MARCHF5: variants seen among roughly 807,000 people sequenced by gnomAD.
MARCHF5 encodes the protein E3 ubiquitin-protein ligase MARCHF5.
MARCHF5 carries 5 observed loss-of-function variants against 36.5 expected under a neutral mutation model. The ratio of observed to expected loss-of-function variants is 0.14; its 90% CI spans 0.07 to 0.29. MARCHF5 has a LOEUF of 0.29. Ranked by LOEUF, MARCHF5 falls within the 10% of genes least tolerant of loss-of-function variation. The pLI is 1.00. For synonymous variants in MARCHF5, 103 were observed against 109.9 expected, an observed-to-expected ratio of 0.94 and a Z score of 0.39; for missense variants, 179 against 336.3, an observed-to-expected ratio of 0.53 and a Z score of 3.66.
chr10:92,340,574 G>A (rs940323142), intron 2 of MARCHF5, 99 bp from the exon 3 acceptor site: 2 of 1,155,850 alleles, frequency 1.7e-6, no homozygotes, highest in Non-Finnish European at 2.4e-6. Flanking sequence ...CCTGTGTCTT[G>A]TTGGGGGGAA....
At chr10:92,338,216 C>T (rs1019465855) in intron 2 of MARCHF5, among the ~76,000 whole-genome samples, 46 of 151,854 alleles carry the variant, frequency 3.0e-4, no homozygotes, top group African/African-American at 1.1e-3. Context: ...ATCAACCATA[C>T]GAAGGTTGAA....
At chr10:92,311,420 T>G in intron 2 of MARCHF5, 83 bp downstream of exon 2, 1 of 938,118 alleles carries the variant, frequency 1.1e-6, no homozygotes. Flanking sequence ...ATGAACCACC[T>G]CTTTTTTTTA....
chr10:92,291,369 C>T lies in MARCHF5; in HGVS notation c.-126C>T. ...AGGCTAGCGGAGCTGCCCCGGGAAG[C>T]TGGGTGACGGGTTCGCGGCTGCCGC... is the stretch of plus-strand genomic sequence containing the variant. On this transcript the variant is annotated 5_prime_UTR_variant, in exon 1 of 6. Transcript: ENST00000358935. The T allele has an allele frequency of 2.3e-6, 2 of 857,014 alleles. No individual in the cohort carries two copies. The highest frequency in any genetic ancestry group is 3.8e-6 in the Non-Finnish European group (2 of 529,434). The allele number at this position is 857,014 out of a possible 1,614,324, so 53.1% of individuals were successfully genotyped here. A position where few individuals can be genotyped will look rare whatever the true frequency, so the allele number is the denominator to read the frequency against.
chr10:92,336,347 T>A (rs965750325), intron 2 of MARCHF5, among the ~76,000 whole-genome samples: 3 of 152,092 alleles, frequency 2.0e-5, no homozygotes, highest in African/African-American at 7.2e-5. Context: ...TGGAGCTTAT[T>A]TTCCGATGCA....
At chr10:92,305,199 G>A (rs1843060436) in intron 1 of MARCHF5, among the ~76,000 whole-genome samples, 2 of 152,092 alleles carry the variant, frequency 1.3e-5, no homozygotes, top group South Asian at 4.1e-4. Flanking sequence ...ACAAGGTCAG[G>A]AGATGGAGAC....
intron 1 of MARCHF5, 32 bp from the exon 2 acceptor site, chr10:92,311,103 T>C: frequency 2.5e-6 from 4 of 1,573,070 alleles, no homozygotes; most frequent in African/African-American, 1.3e-5. Context: ...CCTAAAGATA[T>C]AAATGTCATC....
chr10:92,336,300 G>C (rs1223776240), intron 2 of MARCHF5, among the ~76,000 whole-genome samples: 2 of 152,212 alleles, frequency 1.3e-5, no homozygotes, highest in Non-Finnish European at 2.9e-5. Flanking sequence ...GCCTCCCAAA[G>C]TGCTGGGATT....
intron 1 of MARCHF5, among the ~76,000 whole-genome samples, chr10:92,292,212 A>C (rs1842884217): frequency 6.6e-6 from 1 of 151,908 alleles, no homozygotes; most frequent in African/African-American, 2.4e-5. Flanking sequence ...CCAGTTGCCC[A>C]TTCTTGGGGG....
chr10:92,319,564 G>C (rs566859119), intron 2 of MARCHF5, among the ~76,000 whole-genome samples: 30 of 152,148 alleles, frequency 2.0e-4, no homozygotes, highest in South Asian at 6.2e-4. Context: ...AAAGTGCTGG[G>C]ATTACAGGCG....
In MARCHF5 at chr10:92,323,557, A is replaced by G. The variant is rs1843316379; in HGVS notation, c.238+12220A>G. Among the ~76,000 whole-genome samples the G allele has an allele frequency of 2.0e-5, 3 of 152,120 alleles. 1 individual carries two copies. Among genetic ancestry groups the G allele is most frequent in the South Asian group, 4.1e-4 (2 of 4,830 alleles). On this transcript the variant is annotated intron_variant, in intron 2 of 5. Coordinates refer to ENST00000358935, the MANE Select transcript of MARCHF5 (RefSeq NM_017824.5). Reference sequence around the variant, plus strand: ...AGTTTCACTGACCTAAAAATCCTCTATGCTCCATCTGTTCATCCCTCCCCG... The same window carrying G: ...AGTTTCACTGACCTAAAAATCCTCTGTGCTCCATCTGTTCATCCCTCCCCG...
At chr10:92,348,918 C>T (rs182603545) in intron 3 of MARCHF5, among the ~76,000 whole-genome samples, 27 of 152,294 alleles carry the variant, frequency 1.8e-4, no homozygotes, top group African/African-American at 6.3e-4. Context: ...TCTTGAAGGC[C>T]GGTCCTACCT....
intron 2 of MARCHF5, among the ~76,000 whole-genome samples, chr10:92,331,428 TC>T (rs537869732): frequency 2.6e-4 from 40 of 151,070 alleles, no homozygotes; most frequent in South Asian, 6.3e-4. Flanking sequence ...CCTTACCTCC[TC>T]CCCCCCCATA....
chr10:92,302,396 T>C (rs1683726257), intron 1 of MARCHF5, among the ~76,000 whole-genome samples: 1 of 152,178 alleles, frequency 6.6e-6, no homozygotes, highest in Admixed American at 6.5e-5. Context: ...TGTGACACTT[T>C]TAATCCTGAG....
In MARCHF5 at chr10:92,298,672, G is replaced by A. The variant is rs138212136; in HGVS notation, c.35+7143G>A. 5.9e-5 allele frequency among the ~76,000 whole-genome samples: 9 copies of A among 152,146 alleles called. No individual in the cohort carries two copies. The East Asian group carries it at 1.7e-3, about 29-fold the overall frequency. On this transcript the variant is annotated intron_variant, in intron 1 of 5. Transcript: ENST00000358935. ...TGCAACCTCCATCCCCCACCCTCCGGCTCAAAATATCCTCCCACCTCACCC... is the reference window on the plus strand; with the variant it reads ...TGCAACCTCCATCCCCCACCCTCCGACTCAAAATATCCTCCCACCTCACCC...
intron 1 of MARCHF5, among the ~76,000 whole-genome samples, chr10:92,301,790 G>A (rs892775181): frequency 2.6e-5 from 4 of 152,102 alleles, no homozygotes; most frequent in Non-Finnish European, 4.4e-5. Flanking sequence ...CGGGTGCAGG[G>A]GCTCACGCCT....
intron 3 of MARCHF5, among the ~76,000 whole-genome samples, chr10:92,345,158 T>C (rs1040315810): frequency 6.7e-6 from 1 of 149,868 alleles, no homozygotes; most frequent in Non-Finnish European, 1.5e-5. Flanking sequence ...TACTTACTTA[T>C]CCTTGATTCT....
At chr10:92,330,841 G>C (rs777508849) in intron 2 of MARCHF5, among the ~76,000 whole-genome samples, 10 of 152,148 alleles carry the variant, frequency 6.6e-5, no homozygotes, top group Non-Finnish European at 1.5e-4. Flanking sequence ...TTCAGGCCCA[G>C]AGATGGCACT....
chr10:92,342,315 A>G (rs1843590534), intron 3 of MARCHF5, among the ~76,000 whole-genome samples: 1 of 151,106 alleles, frequency 6.6e-6, no homozygotes, highest in South Asian at 2.1e-4. Flanking sequence ...TGCCCAGCTA[A>G]TTTTTTATTT....
intron 1 of MARCHF5, among the ~76,000 whole-genome samples, chr10:92,291,835 C>A (rs1177945984): frequency 6.8e-6 from 1 of 147,676 alleles, no homozygotes; most frequent in East Asian, 1.9e-4. Flanking sequence ...TCTTCCCCTC[C>A]CCCTTCCCCC....
Sources: allele counts gnomAD v4.1 joint callset (sites outside exome capture counted in the v4.1 genomes callset), GRCh38; gene constraint gnomAD v4.1.1; transcripts MANE v1.5; gene names NCBI Gene and HGNC (gene_info 2026-07-23, HGNC 2026-07-21).